Variants in GNB1 observed in about 807,000 individuals in gnomAD.
GNB1 encodes G protein subunit beta 1, also known as guanine nucleotide-binding protein G(I)/G(S)/G(T) subunit beta-1.
Under a neutral mutation model 42.9 loss-of-function variants are expected in GNB1, and 2 were observed. The ratio of observed to expected loss-of-function variants is 0.05; its 90% CI spans 0.02 to 0.15. GNB1 has a LOEUF of 0.15. Ranked by LOEUF, GNB1 falls within the 10% of genes least tolerant of loss-of-function variation. The pLI is 1.00. For missense variants in GNB1, 193 were observed against 462.2 expected, an observed-to-expected ratio of 0.42 and a Z score of 5.34; for synonymous variants, 183 against 174.7, an observed-to-expected ratio of 1.05 and a Z score of -0.38.
At chr1:1,820,199 A>C (rs1646913202) in intron 3 of GNB1, among the ~76,000 whole-genome samples, 1 of 151,904 alleles carries the variant, frequency 6.6e-6, no homozygotes, top group Non-Finnish European at 1.5e-5. Flanking sequence ...CCTACTAAAA[A>C]CACAAAAATT....
chr1:1,869,387 C>T (rs1258748545), intron 1 of GNB1, among the ~76,000 whole-genome samples: 1 of 152,034 alleles, frequency 6.6e-6, no homozygotes, highest in African/African-American at 2.4e-5. Flanking sequence ...TTCAGCTAAC[C>T]ATTCATGCCC....
At chr1:1,848,161 C>T (rs1236193291) in intron 1 of GNB1, among the ~76,000 whole-genome samples, 3 of 152,128 alleles carry the variant, frequency 2.0e-5, no homozygotes, top group South Asian at 2.1e-4. Flanking sequence ...GGGCAGACCA[C>T]GAGATCAGGT....
chr1:1,831,079 G>A (rs911680069), intron 2 of GNB1, among the ~76,000 whole-genome samples: 3 of 152,120 alleles, frequency 2.0e-5, no homozygotes, highest in African/African-American at 4.8e-5. Context: ...GTGGGAGAAC[G>A]GCTTGAACCT....
At chr1:1,840,977 C>A (rs745785646) in intron 1 of GNB1, among the ~76,000 whole-genome samples, 2 of 151,888 alleles carry the variant, frequency 1.3e-5, no homozygotes, top group Non-Finnish European at 2.9e-5. Flanking sequence ...CTGGAACCTC[C>A]GACTCACTGG....
Position 1,810,535 on chromosome 1 carries a change from CAAAAAAAA to C in GNB1, c.204-4005_204-3998del, listed in dbSNP as rs1213355902. ...TGGACGACAGAGTGAGACCCAGTCTCAAAAAAAAAAAAAAAAAAAAAAAGTTGCCTTTT... is the reference window on the plus strand; with the variant it reads ...TGGACGACAGAGTGAGACCCAGTCTCAAAAAAAAAAAAAAAGTTGCCTTTT... On this transcript the variant is annotated intron_variant, in intron 5 of 11. Coordinates refer to ENST00000378609, the MANE Select transcript of GNB1 (RefSeq NM_002074.5). Among the ~76,000 whole-genome samples the C allele has an allele frequency of 6.1e-3, 444 of 73,180 alleles. 2 individuals are homozygous for C. Among genetic ancestry groups the C allele is most frequent in the Middle Eastern group, 0.023 (3 of 130 alleles). 48.0% of individuals were successfully genotyped at this position (73,180 alleles called of 152,430 possible).
chr1:1,800,701 T>C lies in GNB1; in HGVS notation c.430+3718A>G, dbSNP rs1646612366. Among the ~76,000 whole-genome samples the C allele has an allele frequency of 7.5e-5, 10 of 133,750 alleles. No homozygotes were observed. The South Asian group carries it at 2.3e-3, about 30-fold the overall frequency. The allele number at this position is 133,750 out of a possible 152,430, so 87.7% of individuals were successfully genotyped here. On this transcript the variant is annotated intron_variant, in intron 7 of 11. Coordinates refer to ENST00000378609, the MANE Select transcript of GNB1 (RefSeq NM_002074.5). ...CAAAGTGCAATAAATGCAAAGAAAA[T>C]CACACCGAGGCACCTACGTGCAAAC...
At chr1:1,796,842 G>A (rs1646553268) in intron 7 of GNB1, among the ~76,000 whole-genome samples, 1 of 152,206 alleles carries the variant, frequency 6.6e-6, no homozygotes, top group Non-Finnish European at 1.5e-5. Flanking sequence ...GTCTCATAGG[G>A]ACCACTGGCT....
intron 3 of GNB1, chr1:1,818,187 A>C: frequency 4.3e-6 from 1 of 231,420 alleles, no homozygotes; most frequent in Non-Finnish European, 9.0e-6. Flanking sequence ...GCACCCACAC[A>C]CCCGGGACCC....
chr1:1,802,631 TG>T (rs746222238), intron 7 of GNB1, among the ~76,000 whole-genome samples: 1 of 151,700 alleles, frequency 6.6e-6, no homozygotes, highest in African/African-American at 2.4e-5. Flanking sequence ...TGGCCAGGCG[TG>T]GTGGTGCACG....
chr1:1,862,688 G>A (rs772360996), intron 1 of GNB1, among the ~76,000 whole-genome samples: 1 of 152,024 alleles, frequency 6.6e-6, no homozygotes, highest in Non-Finnish European at 1.5e-5. Context: ...TCCAGCTCCT[G>A]GGCTCAAGCA....
At chr1:1,860,222 A>C (rs1382762772) in intron 1 of GNB1, among the ~76,000 whole-genome samples, 1 of 152,208 alleles carries the variant, frequency 6.6e-6, no homozygotes, top group African/African-American at 2.4e-5. Context: ...GTGGGAGCTA[A>C]ACATCAGGGA....
At chr1:1,856,218 C>A (rs1328417680) in intron 1 of GNB1, among the ~76,000 whole-genome samples, 1 of 152,182 alleles carries the variant, frequency 6.6e-6, no homozygotes, top group Non-Finnish European at 1.5e-5. Context: ...GGGCTGGTCT[C>A]GCTACATTGC....
intron 1 of GNB1, among the ~76,000 whole-genome samples, chr1:1,851,762 G>A (rs12402876): frequency 0.23 from 35,426 of 151,966 alleles, 4,337 homozygotes; most frequent in Non-Finnish European, 0.26. Flanking sequence ...ACAGGCATTC[G>A]GCCGGGCACA....
At chr1:1,809,076 G>A (rs968771101) in intron 5 of GNB1, among the ~76,000 whole-genome samples, 3 of 152,054 alleles carry the variant, frequency 2.0e-5, no homozygotes, top group Non-Finnish European at 2.9e-5. Context: ...TTTGATACAG[G>A]TGTCAATGAG....
intron 7 of GNB1, among the ~76,000 whole-genome samples, chr1:1,802,533 C>A (rs893064038): frequency 9.9e-5 from 15 of 152,070 alleles, no homozygotes; most frequent in African/African-American, 3.4e-4. Context: ...CTTTGGGAGG[C>A]CGAGGCAGGC....
chr1:1,847,694 G>A (rs1017259347), intron 1 of GNB1, among the ~76,000 whole-genome samples: 1 of 152,162 alleles, frequency 6.6e-6, no homozygotes, highest in African/African-American at 2.4e-5. Flanking sequence ...TCCTGCTGGA[G>A]AGGACGACGT....
Position 1,789,240 on chromosome 1 carries a change from A to G in GNB1, c.729T>C (p.Thr243=), listed in dbSNP as rs777297614. The part of the protein sequence containing the change: ...CFFPNGNAFA[T]GSDDATCRLF... The stretch of plus-strand genomic sequence containing the variant: ...GCCTGCAGGTGGCGTCGTCTGAGCC[A>G]GTGGCAAATGCATTGCCATTTGGAA... Residue 243 remains threonine (T), a synonymous_variant, in exon 10 of 12, where the codon ACT becomes ACC. Transcript: ENST00000378609. 6.2e-7 allele frequency: 1 copy of G among 1,610,686 alleles called. No individual in the cohort carries two copies. The highest frequency in any genetic ancestry group is 1.7e-5 in the Admixed American group (1 of 60,020).
At chr1:1,817,277 C>T (rs79432804) in intron 4 of GNB1, among the ~76,000 whole-genome samples, 8 of 152,172 alleles carry the variant, frequency 5.3e-5, no homozygotes, top group East Asian at 3.8e-4. Flanking sequence ...ACTGTACTGA[C>T]GTCCATTTAA....
intron 7 of GNB1, among the ~76,000 whole-genome samples, 200 bp downstream of exon 7, chr1:1,804,216 GAAC>G (rs1398061568): frequency 6.6e-6 from 1 of 150,988 alleles, no homozygotes; most frequent in Non-Finnish European, 1.5e-5. Flanking sequence ...GGAATGGCGT[GAAC>G]ACCCAGGAGG....
Sources: allele counts gnomAD v4.1 joint callset (sites outside exome capture counted in the v4.1 genomes callset), GRCh38; gene constraint gnomAD v4.1.1; transcripts MANE v1.5; gene names NCBI Gene and HGNC (gene_info 2026-07-23, HGNC 2026-07-21).